KLHL3: variants seen among roughly 807,000 people sequenced by gnomAD.
The protein encoded by KLHL3 is kelch like family member 3.
In KLHL3, 19 loss-of-function variants were observed where a neutral mutation model predicts 70.5. The ratio of observed to expected loss-of-function variants is 0.27; its 90% CI spans 0.19 to 0.40. The LOEUF is 0.40. KLHL3 is among the 10% of genes least tolerant of loss of function. The pLI is 1.00. For missense variants in KLHL3, 512 were observed against 771.1 expected (o/e 0.66, Z 3.98); for synonymous variants, 258 against 290.3 (o/e 0.89, Z 1.13).
At chr5:137,651,978 A>T (rs963878300) in intron 8 of KLHL3, among the ~76,000 whole-genome samples, 1 of 152,208 alleles carries the variant, frequency 6.6e-6, no homozygotes, top group Non-Finnish European at 1.5e-5. Context: ...ATAGTGTGGA[A>T]CAACTGGACA....
At chr5:137,662,400 A>G (rs1335581473) in intron 6 of KLHL3, among the ~76,000 whole-genome samples, 1 of 152,208 alleles carries the variant, frequency 6.6e-6, no homozygotes, top group African/African-American at 2.4e-5. Flanking sequence ...AACCAAATTT[A>G]TAGAGGCTGC....
At chr5:137,624,890 T>TCA (rs1302355767) in intron 14 of KLHL3, among the ~76,000 whole-genome samples, 2 of 152,066 alleles carry the variant, frequency 1.3e-5, no homozygotes, top group East Asian at 1.9e-4. Context: ...ACCAAACCCC[T>TCA]CACACACACT....
chr5:137,692,198 T>G (rs1046617518), intron 5 of KLHL3, 87 bp downstream of exon 5: 2 of 1,206,090 alleles, frequency 1.7e-6, no homozygotes, highest in Non-Finnish European at 2.4e-6. Flanking sequence ...CAGAGACCAC[T>G]TCTCATAATC....
At chr5:137,627,589 C>A (rs1467419114) in intron 13 of KLHL3, among the ~76,000 whole-genome samples, 1 of 151,424 alleles carries the variant, frequency 6.6e-6, no homozygotes, top group Non-Finnish European at 1.5e-5. Context: ...GTCCTTCCAG[C>A]CTGGGAAGTT....
At chr5:137,670,822 A>C (rs983773456) in intron 6 of KLHL3, among the ~76,000 whole-genome samples, 5 of 151,934 alleles carry the variant, frequency 3.3e-5, no homozygotes, top group African/African-American at 1.2e-4. Flanking sequence ...ACAAAAAAAA[A>C]AATAGCCGTA....
At chr5:137,732,638 A>G (rs537130018) in intron 1 of KLHL3, among the ~76,000 whole-genome samples, 1 of 152,088 alleles carries the variant, frequency 6.6e-6, no homozygotes, top group African/African-American at 2.4e-5. Context: ...GCTTTGGATG[A>G]TAAAAAAAGA....
intron 1 of KLHL3, among the ~76,000 whole-genome samples, chr5:137,728,051 C>G (rs1753113145): frequency 6.6e-6 from 1 of 152,032 alleles, no homozygotes; most frequent in Non-Finnish European, 1.5e-5. Context: ...AACCTCAAAG[C>G]CCTAGAAGAT....
At chr5:137,705,932 C>T in intron 3 of KLHL3, 11 of 763,526 alleles carry the variant, frequency 1.4e-5, no homozygotes, top group Non-Finnish European at 1.8e-5. Flanking sequence ...CACAGCACTA[C>T]TGGCCTCCCC....
intron 8 of KLHL3, among the ~76,000 whole-genome samples, chr5:137,649,510 G>A (rs187846622): frequency 1.6e-4 from 24 of 152,262 alleles, no homozygotes; most frequent in Non-Finnish European, 2.8e-4. Context: ...ACTGCACCCC[G>A]ACCAACAGCT....
intron 6 of KLHL3, among the ~76,000 whole-genome samples, chr5:137,672,191 G>A (rs1401313379): frequency 2.6e-5 from 4 of 152,190 alleles, no homozygotes; most frequent in South Asian, 2.1e-4. Flanking sequence ...CCAACAGCTC[G>A]GCCTAGGCAG....
chr5:137,627,746 T>A (rs1750513515), intron 13 of KLHL3, among the ~76,000 whole-genome samples: 1 of 151,880 alleles, frequency 6.6e-6, no homozygotes, highest in Non-Finnish European at 1.5e-5. Flanking sequence ...CTACAGTAAA[T>A]CTTTCCTACA....
chr5:137,666,469 C>T (rs896855308), intron 6 of KLHL3, among the ~76,000 whole-genome samples: 2 of 152,236 alleles, frequency 1.3e-5, no homozygotes, highest in African/African-American at 4.8e-5. Flanking sequence ...CACAAGGTAA[C>T]TGATTGGCAA....
intron 7 of KLHL3, 65 bp downstream of exon 7, chr5:137,661,850 G>T: frequency 1.1e-6 from 1 of 887,510 alleles, no homozygotes; most frequent in Non-Finnish European, 1.9e-6. Context: ...AACCAGGATT[G>T]CCCATTGCTA....
chr5:137,717,477 C>T lies in KLHL3; in HGVS notation c.134+2988G>A, dbSNP rs552467200. On this transcript the variant is annotated intron_variant, in intron 2 of 14. Transcript: ENST00000309755. Reference sequence around the variant, plus strand: ...CCCGGGAGGTGGAGGTTGCAATGAGCCGAGATCACACCACTGCATTCCGGC... The same window carrying T: ...CCCGGGAGGTGGAGGTTGCAATGAGTCGAGATCACACCACTGCATTCCGGC... 1.8e-4 allele frequency among the ~76,000 whole-genome samples: 27 copies of T among 152,238 alleles called. No individual in the cohort carries two copies. The South Asian group carries it at 3.1e-3, about 18-fold the overall frequency.
chr5:137,625,123 A>G (rs1201363291), intron 14 of KLHL3, among the ~76,000 whole-genome samples: 4 of 152,266 alleles, frequency 2.6e-5, no homozygotes, highest in Admixed American at 2.6e-4. Context: ...TGAAAAGATG[A>G]GAACAAATGC....
intron 14 of KLHL3, 46 bp downstream of exon 14, chr5:137,625,707 T>G: frequency 4.4e-6 from 7 of 1,601,074 alleles, no homozygotes; most frequent in Non-Finnish European, 6.0e-6. Flanking sequence ...ATTCCCCCAG[T>G]GTGTTGGAGG....
chr5:137,674,032 C>T (rs1751826645), intron 6 of KLHL3: 1 of 152,136 alleles, frequency 6.6e-6, no homozygotes, highest in Admixed American at 6.5e-5. Flanking sequence ...CTACTAGGAG[C>T]AGTACTAGTA....
chr5:137,630,120 C>T (rs1750597896), intron 12 of KLHL3, among the ~76,000 whole-genome samples: 1 of 152,220 alleles, frequency 6.6e-6, no homozygotes. Context: ...GGGTTCCCAA[C>T]TCCAGAGGTG....
Position 137,651,503 on chromosome 5 carries a change from T to A in KLHL3, c.903+6628A>T, listed in dbSNP as rs533292027. On this transcript the variant is annotated intron_variant, in intron 8 of 14. Transcript: ENST00000309755. ...AAACAATAAAATACCCAGGGATAGA[T>A]CTAACAAAAGACATGTAAGACCCAT... 3.9e-5 allele frequency among the ~76,000 whole-genome samples: 6 copies of A among 152,300 alleles called. No homozygotes were observed. The South Asian group carries it at 1.0e-3, about 26-fold the overall frequency.
Sources: gnomAD v4.1 joint callset for allele counts (sites outside exome capture counted in the v4.1 genomes callset) on GRCh38, gnomAD v4.1.1 for gene constraint, MANE v1.5 for transcripts, NCBI Gene and HGNC (gene_info 2026-07-23, HGNC 2026-07-21) for gene names.